TPRG1: variants seen among roughly 807,000 people sequenced by gnomAD.
TPRG1 encodes the protein tumor protein p63 regulated 1, also known as tumor protein p63-regulated gene 1 protein.
A neutral mutation model predicts 29.3 loss-of-function variants in TPRG1; 29 were observed. The observed-to-expected ratio is 0.99, with a 90% CI of 0.74 to 1.35. The LOEUF is 1.35. TPRG1 is among the 40% of genes most tolerant of loss of function. The probability of loss-of-function intolerance (pLI) is 0.00; values close to 1 mark genes in which losing one functional copy is unlikely to be tolerated. For missense variants in TPRG1, 327 were observed against 335.0 expected (o/e 0.98, Z 0.19); for synonymous variants, 130 against 116.8 (o/e 1.11, Z -0.73).
intron 3 of TPRG1, among the ~76,000 whole-genome samples, chr3:189,005,365 T>A (rs533587473): frequency 6.6e-6 from 1 of 152,228 alleles, no homozygotes; most frequent in African/African-American, 2.4e-5. Context: ...GAGAGGTGAC[T>A]GGGGAGCTTG....
intron 1 of TPRG1, among the ~76,000 whole-genome samples, chr3:189,106,552 A>G (rs1391485229): frequency 6.6e-6 from 1 of 152,096 alleles, no homozygotes; most frequent in Non-Finnish European, 1.5e-5. Context: ...AATTTTGGGA[A>G]GCAATTCTGT....
intron 1 of TPRG1, among the ~76,000 whole-genome samples, chr3:189,194,927 C>T (rs1732287557): frequency 6.6e-6 from 1 of 152,102 alleles, no homozygotes; most frequent in South Asian, 2.1e-4. Flanking sequence ...GTCTCAGCAG[C>T]TAAGACACCA....
intron 4 of TPRG1, among the ~76,000 whole-genome samples, chr3:189,287,400 CTTTT>C (rs79217716): frequency 7.1e-6 from 1 of 140,702 alleles, no homozygotes; most frequent in Non-Finnish European, 1.6e-5. Flanking sequence ...TTCTTTCTTT[CTTTT>C]TTTTTTTTTT....
Position 189,197,726 on chromosome 3 carries a change from G to A in TPRG1, c.-9-9650G>A, listed in dbSNP as rs554722987. On this transcript the variant is annotated intron_variant, in intron 1 of 5. Coordinates refer to ENST00000345063, the MANE Select transcript of TPRG1 (RefSeq NM_198485.4). The stretch of plus-strand genomic sequence containing the variant: ...ATATTGGACAGGGCTGTGAAGGGGA[G>A]AACCCAAGAGATCTGGATATGTAGA... Among the ~76,000 whole-genome samples the A allele has an allele frequency of 2.6e-3, 391 of 152,288 alleles. 4 individuals are homozygous for A. Among genetic ancestry groups the A allele is most frequent in the African/African-American group, 9.0e-3 (375 of 41,556 alleles).
At chr3:189,069,179 C>G (rs1159890212) in intron 4 of TPRG1, among the ~76,000 whole-genome samples, 1 of 152,174 alleles carries the variant, frequency 6.6e-6, no homozygotes, top group Non-Finnish European at 1.5e-5. Flanking sequence ...GAAAAAATCG[C>G]TAACTTCCCA....
chr3:189,258,564 G>A (rs573001352), intron 4 of TPRG1, among the ~76,000 whole-genome samples: 4 of 152,170 alleles, frequency 2.6e-5, no homozygotes, highest in Non-Finnish European at 5.9e-5. Flanking sequence ...GTCAGAGCTG[G>A]CAGGCAGGAA....
At chr3:189,122,868 A>G (rs1295126042) in intron 1 of TPRG1, among the ~76,000 whole-genome samples, 1 of 152,232 alleles carries the variant, frequency 6.6e-6, no homozygotes, top group Non-Finnish European at 1.5e-5. Flanking sequence ...TGAGGCCCGG[A>G]GGAACTAAGT....
At chr3:189,084,876 C>T (rs1014821467) in intron 4 of TPRG1, among the ~76,000 whole-genome samples, 15 of 152,178 alleles carry the variant, frequency 9.9e-5, no homozygotes, top group African/African-American at 2.7e-4. Flanking sequence ...GGAGAGACTT[C>T]GCACCCCCAA....
chr3:189,197,243 T>C (rs917628054), intron 1 of TPRG1, among the ~76,000 whole-genome samples: 1 of 152,184 alleles, frequency 6.6e-6, no homozygotes, highest in Non-Finnish European at 1.5e-5. Context: ...CTGTTGGCAT[T>C]GGTTGATTTT....
chr3:189,180,768 A>C (rs147137718), intron 1 of TPRG1, among the ~76,000 whole-genome samples: 1 of 151,930 alleles, frequency 6.6e-6, no homozygotes, highest in African/African-American at 2.4e-5. Flanking sequence ...GGTCTGGGGG[A>C]GTGACCATCT....
At chr3:189,188,439 ATGGGTGT>A (rs546797955) in intron 1 of TPRG1, among the ~76,000 whole-genome samples, 50 of 152,300 alleles carry the variant, frequency 3.3e-4, no homozygotes, top group Admixed American at 7.8e-4. Context: ...TCTAGGTCCG[ATGGGTGT>A]GGAATCACTC....
intron 1 of TPRG1, among the ~76,000 whole-genome samples, chr3:189,111,785 A>T (rs1290322174): frequency 6.6e-6 from 1 of 152,122 alleles, no homozygotes; most frequent in African/African-American, 2.4e-5. Flanking sequence ...TCTTTTGGCA[A>T]TCATGTTACC....
At chr3:189,216,055 G>A (rs971444489) in intron 3 of TPRG1, among the ~76,000 whole-genome samples, 6 of 151,914 alleles carry the variant, frequency 3.9e-5, no homozygotes, top group African/African-American at 4.8e-5. Context: ...CTCTTTACCC[G>A]CCAAGTAAAT....
At chr3:189,191,822 C>T (rs895322926) in intron 1 of TPRG1, among the ~76,000 whole-genome samples, 1 of 152,182 alleles carries the variant, frequency 6.6e-6, no homozygotes, top group African/African-American at 2.4e-5. Flanking sequence ...GATTAAGCCT[C>T]TTCTCTAGTT....
At chr3:189,188,857 T>G (rs1197835710) in intron 1 of TPRG1, among the ~76,000 whole-genome samples, 1 of 152,210 alleles carries the variant, frequency 6.6e-6, no homozygotes, top group African/African-American at 2.4e-5. Context: ...CAGATAAAAG[T>G]CATTGACCAA....
chr3:189,205,646 T>C (rs1734211037), intron 1 of TPRG1, among the ~76,000 whole-genome samples: 1 of 152,216 alleles, frequency 6.6e-6, no homozygotes, highest in South Asian at 2.1e-4. Flanking sequence ...GAGAATAATA[T>C]GGCATTCCTA....
intron 1 of TPRG1, among the ~76,000 whole-genome samples, chr3:188,998,044 C>T (rs901094860): frequency 2.0e-5 from 3 of 151,964 alleles, no homozygotes; most frequent in Non-Finnish European, 2.9e-5. Flanking sequence ...AAAAAACATA[C>T]AAAGTTCTTG....
chr3:189,259,411 G>A lies in TPRG1; in HGVS notation c.479+20502G>A, dbSNP rs191714747. Among the ~76,000 whole-genome samples, 22 of 151,048 alleles carry A rather than the reference G, an allele frequency of 1.5e-4. 1 individual carries two copies. The highest frequency in any genetic ancestry group is 5.4e-4 in the African/African-American group (22 of 41,090). On this transcript the variant is annotated intron_variant, in intron 4 of 5. Transcript: ENST00000345063. ...TCACCCCTTCTGTGTTGATCTTGCT[G>A]GGAGCTGCAGGCTGGAGCTATTCCT...
chr3:189,316,936 A>T (rs1343185709), intron 5 of TPRG1, among the ~76,000 whole-genome samples: 4 of 152,090 alleles, frequency 2.6e-5, no homozygotes, highest in African/African-American at 9.7e-5. Flanking sequence ...CCTTCAATGC[A>T]CTGCTTGTCA....
Sources: allele counts gnomAD v4.1 joint callset (sites outside exome capture counted in the v4.1 genomes callset), GRCh38; gene constraint gnomAD v4.1.1; transcripts MANE v1.5; gene names NCBI Gene and HGNC (gene_info 2026-07-23, HGNC 2026-07-21).